The following INPP4B variants were observed in gnomAD, a reference collection of about 807,000 sequenced individuals.
The protein encoded by INPP4B is inositol polyphosphate-4-phosphatase type II B.
Under a neutral mutation model 122.5 loss-of-function variants are expected in INPP4B, and 55 were observed. The ratio of observed to expected loss-of-function variants is 0.45; its 90% CI spans 0.36 to 0.56. INPP4B has a LOEUF of 0.56. INPP4B is among the 20% of genes least tolerant of loss of function. INPP4B has a pLI of 0.00. For synonymous variants in INPP4B, 403 were observed against 388.7 expected (o/e 1.04, Z -0.43); for missense variants, 1,000 against 1,097.7 (o/e 0.91, Z 1.26).
chr4:142,656,491 G>A (rs982211245), intron 2 of INPP4B, among the ~76,000 whole-genome samples: 2 of 152,092 alleles, frequency 1.3e-5, no homozygotes, highest in African/African-American at 2.4e-5. Flanking sequence ...GCCTTTTCAT[G>A]GCCTTTTCCT....
intron 25 of INPP4B, among the ~76,000 whole-genome samples, chr4:142,050,537 T>A (rs1272359878): frequency 1.3e-5 from 2 of 152,030 alleles, no homozygotes; most frequent in Non-Finnish European, 2.9e-5. Flanking sequence ...ATATATATTA[T>A]GGGATTCTCA....
At chr4:142,806,828 AAAG>A (rs1778904954) in intron 1 of INPP4B, among the ~76,000 whole-genome samples, 1 of 148,966 alleles carries the variant, frequency 6.7e-6, no homozygotes, top group African/African-American at 2.5e-5. Context: ...AGAAAGAAAG[AAAG>A]AAAGAAAGAA....
Position 142,129,870 on chromosome 4 carries a change from T to C in INPP4B, c.1721-5110A>G, listed in dbSNP as rs571939952. Among the ~76,000 whole-genome samples, 15 of 152,300 alleles carry C rather than the reference T, an allele frequency of 9.8e-5. 1 individual carries two copies. In the South Asian group the frequency reaches 2.9e-3, roughly 29 times the overall value. On this transcript the variant is annotated intron_variant, in intron 18 of 25. Coordinates refer to ENST00000262992, the MANE Select transcript of INPP4B (RefSeq NM_001101669.3). Reference sequence around the variant, plus strand: ...TCCTTTTTCATGACATCATGAGAAATGGACTCATTCATTGGACAAAGATAG... The same window carrying C: ...TCCTTTTTCATGACATCATGAGAAACGGACTCATTCATTGGACAAAGATAG...
At chr4:142,794,073 G>T (rs1387232900) in intron 1 of INPP4B, among the ~76,000 whole-genome samples, 1 of 151,878 alleles carries the variant, frequency 6.6e-6, no homozygotes, top group Non-Finnish European at 1.5e-5. Context: ...CTAAATATTT[G>T]CCTATCCATC....
intron 3 of INPP4B, among the ~76,000 whole-genome samples, chr4:142,452,079 G>C (rs1814398791): frequency 6.6e-6 from 1 of 152,066 alleles, no homozygotes; most frequent in African/African-American, 2.4e-5. Context: ...ACAGGCCTCT[G>C]TGTGTGATTT....
At chr4:142,129,001 A>T (rs1042279044) in intron 18 of INPP4B, among the ~76,000 whole-genome samples, 13 of 152,234 alleles carry the variant, frequency 8.5e-5, no homozygotes, top group Non-Finnish European at 1.5e-4. Context: ...GCTTGTAGCT[A>T]TTGTTATTTC....
intron 1 of INPP4B, among the ~76,000 whole-genome samples, chr4:142,824,120 C>A (rs764688995): frequency 1.3e-4 from 20 of 151,644 alleles, no homozygotes; most frequent in Admixed American, 2.0e-4. Context: ...GGGACTTAAA[C>A]CATGGCCCCC....
chr4:142,062,035 T>A (rs1306751316), intron 25 of INPP4B, among the ~76,000 whole-genome samples: 1 of 151,932 alleles, frequency 6.6e-6, no homozygotes, highest in Non-Finnish European at 1.5e-5. Flanking sequence ...GGATCACAAG[T>A]CTTGCAAGTA....
chr4:142,416,986 A>G (rs1355904741), intron 5 of INPP4B, among the ~76,000 whole-genome samples: 1 of 152,188 alleles, frequency 6.6e-6, no homozygotes, highest in African/African-American at 2.4e-5. Flanking sequence ...ACTTGGAGCA[A>G]AATCCACCAA....
At chr4:142,401,273 C>T (rs553137913) in intron 7 of INPP4B, among the ~76,000 whole-genome samples, 1 of 152,108 alleles carries the variant, frequency 6.6e-6, no homozygotes, top group Non-Finnish European at 1.5e-5. Flanking sequence ...ACAAAAACAG[C>T]AACAAAAAAC....
chr4:142,537,879 G>C (rs1020015989), intron 2 of INPP4B, among the ~76,000 whole-genome samples: 1 of 151,852 alleles, frequency 6.6e-6, no homozygotes, highest in Admixed American at 6.6e-5. Flanking sequence ...TCAAATCTGG[G>C]TTTCAAAGAG....
At chr4:142,627,869 A>G (rs557602693) in intron 2 of INPP4B, among the ~76,000 whole-genome samples, 5 of 151,488 alleles carry the variant, frequency 3.3e-5, no homozygotes, top group Middle Eastern at 6.8e-3. Flanking sequence ...TCGGCTGTGA[A>G]TCCATCTGGT....
intron 12 of INPP4B, among the ~76,000 whole-genome samples, chr4:142,221,606 G>GT (rs369512661): frequency 0.018 from 2,664 of 147,096 alleles, 79 homozygotes; most frequent in African/African-American, 0.058. Context: ...AAGAAAGGAG[G>GT]TTTTTTTTTT....
At chr4:142,137,417 A>C (rs1279964121) in intron 18 of INPP4B, among the ~76,000 whole-genome samples, 4 of 113,646 alleles carry the variant, frequency 3.5e-5, no homozygotes, top group South Asian at 3.8e-4. Flanking sequence ...CGTTAGACCT[A>C]AAACCATAAA....
intron 1 of INPP4B, among the ~76,000 whole-genome samples, chr4:142,788,038 G>A (rs1216259057): frequency 6.6e-6 from 1 of 152,124 alleles, no homozygotes; most frequent in African/African-American, 2.4e-5. Context: ...TTCCGGTTGC[G>A]GGAAGCCTTA....
chr4:142,203,263 T>G (rs888282484), intron 14 of INPP4B, among the ~76,000 whole-genome samples: 1 of 152,148 alleles, frequency 6.6e-6, no homozygotes, highest in African/African-American at 2.4e-5. Flanking sequence ...AATGCAGTTA[T>G]ATAAAGAAGG....
At chr4:142,521,685 C>T (rs1826089535) in intron 2 of INPP4B, among the ~76,000 whole-genome samples, 1 of 152,008 alleles carries the variant, frequency 6.6e-6, no homozygotes, top group South Asian at 2.1e-4. Flanking sequence ...TTCTTCTTGT[C>T]CATGATTTTA....
rs1009497026 is a variant in INPP4B, at chr4:142,555,020, G to T, written c.-190-92294C>A. On this transcript the variant is annotated intron_variant, in intron 2 of 25. Coordinates refer to ENST00000262992, the MANE Select transcript of INPP4B (RefSeq NM_001101669.3). ...CCTAAGGGCCTGGGGGATGGCAAGC[G>T]ATCAGGATTTAAAAGACTGGCCCCC... Among the ~76,000 whole-genome samples the T allele has an allele frequency of 5.9e-5, 9 of 152,140 alleles. No individual in the cohort carries two copies. In the South Asian group the frequency reaches 1.2e-3, roughly 21 times the overall value.
chr4:142,540,432 C>G (rs1159428590), intron 2 of INPP4B, among the ~76,000 whole-genome samples: 1 of 151,756 alleles, frequency 6.6e-6, no homozygotes, highest in African/African-American at 2.4e-5. Flanking sequence ...TCTGAAGATT[C>G]TGTGTGTGAA....
Sources: allele counts gnomAD v4.1 joint callset (sites outside exome capture counted in the v4.1 genomes callset), GRCh38; gene constraint gnomAD v4.1.1; transcripts MANE v1.5; gene names NCBI Gene and HGNC (gene_info 2026-07-23, HGNC 2026-07-21).